KHDRBS2: variants seen among roughly 807,000 people sequenced by gnomAD.
KHDRBS2 encodes the protein KH domain-containing, RNA-binding, signal transduction-associated protein 2.
A neutral mutation model predicts 44.3 loss-of-function variants in KHDRBS2; 26 were observed. The ratio of observed to expected loss-of-function variants is 0.59; its 90% CI spans 0.43 to 0.81. KHDRBS2 has a LOEUF of 0.81. KHDRBS2 is among the 40% of genes least tolerant of loss of function. The pLI, the probability that KHDRBS2 is intolerant of heterozygous loss-of-function variation, is 0.00. For missense variants in KHDRBS2, 476 were observed against 433.1 expected (o/e 1.10, Z -0.88); for synonymous variants, 194 against 151.1 (o/e 1.28, Z -2.08).
intron 2 of KHDRBS2, among the ~76,000 whole-genome samples, chr6:62,070,238 A>T (rs931971351): frequency 5.9e-5 from 9 of 151,672 alleles, no homozygotes; most frequent in African/African-American, 1.9e-4. Flanking sequence ...GTATATTAAT[A>T]AGGGATATTG....
intron 4 of KHDRBS2, among the ~76,000 whole-genome samples, chr6:61,902,239 G>A (rs773699127): frequency 3.3e-5 from 5 of 152,166 alleles, no homozygotes; most frequent in Non-Finnish European, 5.9e-5. Flanking sequence ...ATGAGCCATC[G>A]TGTCTGGCCG....
chr6:62,221,796 A>T (rs1284054053), intron 1 of KHDRBS2, among the ~76,000 whole-genome samples: 1 of 152,160 alleles, frequency 6.6e-6, no homozygotes, highest in East Asian at 1.9e-4. Flanking sequence ...GACTTCATGG[A>T]CATATCAACC....
chr6:62,114,869 T>TA (rs1805838672), intron 2 of KHDRBS2, among the ~76,000 whole-genome samples: 1 of 151,714 alleles, frequency 6.6e-6, no homozygotes, highest in Admixed American at 6.6e-5. Flanking sequence ...GTAATAATAA[T>TA]AAACTTTTTA....
At chr6:61,931,135 T>C (rs1219457880) in intron 4 of KHDRBS2, among the ~76,000 whole-genome samples, 1 of 152,020 alleles carries the variant, frequency 6.6e-6, no homozygotes, top group Non-Finnish European at 1.5e-5. Flanking sequence ...TATATTTTGT[T>C]AAAAATATAA....
chr6:61,730,845 C>T (rs1450018255), intron 7 of KHDRBS2, among the ~76,000 whole-genome samples: 2 of 151,368 alleles, frequency 1.3e-5, no homozygotes, highest in Non-Finnish European at 3.0e-5. Context: ...TGTGTGTGTT[C>T]AACAATTCTA....
chr6:61,783,020 T>C (rs188920958), intron 6 of KHDRBS2, among the ~76,000 whole-genome samples: 1 of 152,084 alleles, frequency 6.6e-6, no homozygotes, highest in African/African-American at 2.4e-5. Flanking sequence ...GGGGTGAGGA[T>C]GTATACTGCG....
At chr6:61,671,711 A>G in the KHDRBS2 span, among the ~76,000 whole-genome samples, 1 of 151,782 alleles carries the variant, frequency 6.6e-6, no homozygotes, top group Non-Finnish European at 1.5e-5. Context: ...TACACATTAT[A>G]TCGACAACAG....
At chr6:61,645,349 A>G in the KHDRBS2 span, among the ~76,000 whole-genome samples, 29,517 of 151,896 alleles carry the variant, frequency 0.19, 3,353 homozygotes, top group South Asian at 0.33. Context: ...GGATCAGAAA[A>G]CTAACTATTG....
the KHDRBS2 span, among the ~76,000 whole-genome samples, chr6:61,600,638 T>C: frequency 6.6e-6 from 1 of 152,080 alleles, no homozygotes; most frequent in Non-Finnish European, 1.5e-5. Context: ...CGAGTGAAAT[T>C]TGGTGCCGAA....
chr6:61,963,924 A>G (rs191979339), intron 4 of KHDRBS2, among the ~76,000 whole-genome samples: 60 of 152,186 alleles, frequency 3.9e-4, no homozygotes, highest in African/African-American at 1.3e-3. Context: ...CTTTACACCT[A>G]AAGTTTAAAG....
the KHDRBS2 span, among the ~76,000 whole-genome samples, chr6:61,632,069 A>T: frequency 6.6e-6 from 1 of 152,168 alleles, no homozygotes; most frequent in African/African-American, 2.4e-5. Flanking sequence ...CATGCCCTTT[A>T]TCCTTTTGTT....
chr6:62,050,359 AC>A (rs1788720679), intron 2 of KHDRBS2, among the ~76,000 whole-genome samples: 1 of 151,814 alleles, frequency 6.6e-6, no homozygotes, highest in Non-Finnish European at 1.5e-5. Context: ...GGTGCAGCAA[AC>A]CACCATGGCA....
the KHDRBS2 span, among the ~76,000 whole-genome samples, chr6:61,651,729 TACTC>T: frequency 6.6e-6 from 1 of 152,122 alleles, no homozygotes; most frequent in East Asian, 1.9e-4. Flanking sequence ...AGTCAATACT[TACTC>T]CTGTAATTAT....
the KHDRBS2 span, among the ~76,000 whole-genome samples, chr6:61,629,452 A>G: frequency 3.3e-5 from 5 of 152,182 alleles, no homozygotes; most frequent in African/African-American, 1.2e-4. Context: ...ATTTTCTGGT[A>G]AAGAGAAAAT....
chr6:61,750,384 C>A (rs1236654015), intron 6 of KHDRBS2, among the ~76,000 whole-genome samples: 1 of 152,140 alleles, frequency 6.6e-6, no homozygotes, highest in Non-Finnish European at 1.5e-5. Flanking sequence ...GCCAGGCCAG[C>A]CTATGGGGTT....
At chr6:61,747,249 T>G (rs897834734) in intron 6 of KHDRBS2, among the ~76,000 whole-genome samples, 2 of 152,102 alleles carry the variant, frequency 1.3e-5, no homozygotes, top group Non-Finnish European at 2.9e-5. Context: ...ATTCAACTGG[T>G]GTTAGACAGA....
At chr6:62,070,821 G>C (rs1794877977) in intron 2 of KHDRBS2, among the ~76,000 whole-genome samples, 1 of 152,112 alleles carries the variant, frequency 6.6e-6, no homozygotes, top group African/African-American at 2.4e-5. Flanking sequence ...TGTCTTTATA[G>C]CAGCATGATT....
chr6:61,956,272 A>C (rs1243595949), intron 4 of KHDRBS2, among the ~76,000 whole-genome samples: 1 of 152,150 alleles, frequency 6.6e-6, no homozygotes, highest in African/African-American at 2.4e-5. Context: ...ATTTTCCAGC[A>C]TATGTAATTC....
intron 2 of KHDRBS2, among the ~76,000 whole-genome samples, chr6:62,105,481 C>G (rs1470109175): frequency 6.6e-6 from 1 of 152,114 alleles, no homozygotes; most frequent in East Asian, 1.9e-4. Context: ...TTCAGAGATT[C>G]AACTTCTTCC....
Sources: gnomAD v4.1 joint callset for allele counts (sites outside exome capture counted in the v4.1 genomes callset) on GRCh38, gnomAD v4.1.1 for gene constraint, MANE v1.5 for transcripts, NCBI Gene and HGNC (gene_info 2026-07-23, HGNC 2026-07-21) for gene names.